Variants in RMND1 observed in about 807,000 individuals in gnomAD.
RMND1 encodes the protein required for meiotic nuclear division protein 1 homolog.
Under a neutral mutation model 54.0 loss-of-function variants are expected in RMND1, and 41 were observed. The ratio of observed to expected loss-of-function variants is 0.76; its 90% confidence interval spans 0.59 to 0.98. The LOEUF (loss-of-function observed/expected upper bound fraction) is 0.98. RMND1 is among the 50% of genes least tolerant of loss of function. RMND1 has a pLI of 0.00. For synonymous variants in RMND1, 183 were observed against 181.7 expected (o/e 1.01, Z -0.06); for missense variants, 457 against 532.0 (o/e 0.86, Z 1.39).
intron 10 of RMND1, chr6:151,416,793 G>A (rs1265698868): frequency 6.6e-6 from 1 of 152,558 alleles, no homozygotes; most frequent in African/African-American, 2.4e-5. Flanking sequence ...TCTAATCTCA[G>A]CATATCTTAG....
intron 5 of RMND1, among the ~76,000 whole-genome samples, chr6:151,427,803 GA>G (rs1562792279): frequency 6.6e-6 from 1 of 152,150 alleles, no homozygotes; most frequent in African/African-American, 2.4e-5. Flanking sequence ...GAATGGAGAA[GA>G]AAATCAAGGT....
At chr6:151,445,220 G>T in intron 2 of RMND1, 88 bp downstream of exon 2, 5 of 1,380,996 alleles carry the variant, frequency 3.6e-6, no homozygotes, top group Non-Finnish European at 4.9e-6. Context: ...GTTCTCTTAC[G>T]TTGGCGGTAA....
At position 151,445,887 on chromosome 6, in the gene RMND1, T is replaced by C; in HGVS notation, c.-14-62A>G. The C allele has an allele frequency of 2.2e-6, 3 of 1,378,060 alleles. No homozygotes were observed. The South Asian group carries it at 4.6e-5, about 21-fold the overall frequency. 85.4% of individuals were successfully genotyped at this position (1,378,060 alleles called of 1,614,324 possible). A position where few individuals can be genotyped will look rare whatever the true frequency, so the allele number is the denominator to read the frequency against. The stretch of plus-strand genomic sequence containing the variant: ...TTAATGTTTAAAACATATATAATAT[T>C]TCCCTAGGTAGCAGGCATATTTCTG... On this transcript the variant is annotated intron_variant, in intron 1 of 11. Transcript: ENST00000444024.
intron 5 of RMND1, among the ~76,000 whole-genome samples, chr6:151,428,087 G>A (rs115943828): frequency 4.6e-5 from 7 of 151,824 alleles, no homozygotes; most frequent in African/African-American, 1.7e-4. Flanking sequence ...AATGTCAGCC[G>A]GTGTGACAGA....
intron 10 of RMND1, among the ~76,000 whole-genome samples, chr6:151,412,548 T>G (rs1779878335): frequency 6.6e-6 from 1 of 152,190 alleles, no homozygotes; most frequent in South Asian, 2.1e-4. Flanking sequence ...AGCATTCTCT[T>G]CCTGACAGTC....
intron 4 of RMND1, among the ~76,000 whole-genome samples, chr6:151,431,988 T>A (rs1392287030): frequency 2.6e-5 from 4 of 151,498 alleles, no homozygotes; most frequent in African/African-American, 9.7e-5. Flanking sequence ...TAGGCTGGAG[T>A]GCAATGGCAC....
At chr6:151,441,194 ATTTT>A (rs200381318) in intron 2 of RMND1, among the ~76,000 whole-genome samples, 1 of 152,180 alleles carries the variant, frequency 6.6e-6, no homozygotes, top group Admixed American at 6.5e-5. Context: ...TGATCAGAAC[ATTTT>A]TTTAAAAATT....
At chr6:151,450,543 C>T (rs1268095023) in intron 1 of RMND1, among the ~76,000 whole-genome samples, 3 of 147,950 alleles carry the variant, frequency 2.0e-5, no homozygotes, top group Non-Finnish European at 3.0e-5. Flanking sequence ...GGGTCAGCCC[C>T]CCGCCCGGCC....
In RMND1 at chr6:151,445,519, A is replaced by G; in HGVS notation, c.293T>C (p.Met98Thr). The G allele has an allele frequency of 6.2e-7, 1 of 1,614,218 alleles. No homozygotes were observed. The change falls in exon 2 of 12, where the codon ATG (methionine) becomes ACG (threonine). Residue 98 changes from methionine (M) to threonine (T), a missense_variant. Transcript: ENST00000444024. ...TCTCCTGTGAGTACCAAAGGATTTC[A>G]TGGTTGGAAGGTGTGCCTTTTCATC... ...CQDEKAHLPT[M>T]KSFGTHRRVT...
intron 4 of RMND1, 25 bp downstream of exon 4, chr6:151,433,130 T>C: frequency 1.3e-6 from 2 of 1,530,688 alleles, no homozygotes; most frequent in East Asian, 4.5e-5. Flanking sequence ...CATCATCACC[T>C]AATGGGGTTT....
intron 4 of RMND1, among the ~76,000 whole-genome samples, chr6:151,430,581 G>C (rs1459810001): frequency 6.6e-6 from 1 of 152,186 alleles, no homozygotes; most frequent in African/African-American, 2.4e-5. Context: ...GCTATGCCTG[G>C]ATTTTTGTGG....
intron 10 of RMND1, among the ~76,000 whole-genome samples, chr6:151,413,133 G>A (rs1285260719): frequency 6.6e-6 from 1 of 152,188 alleles, no homozygotes; most frequent in Non-Finnish European, 1.5e-5. Context: ...ATAACCACGA[G>A]TGAACTAGGA....
intron 2 of RMND1, among the ~76,000 whole-genome samples, chr6:151,439,664 T>C (rs1780714069): frequency 6.6e-6 from 1 of 152,182 alleles, no homozygotes; most frequent in Non-Finnish European, 1.5e-5. Flanking sequence ...TTTACTTTAT[T>C]ATTATTATAT....
intron 4 of RMND1, among the ~76,000 whole-genome samples, chr6:151,431,865 T>A (rs1354434366): frequency 1.3e-5 from 2 of 152,066 alleles, no homozygotes; most frequent in African/African-American, 2.4e-5. Flanking sequence ...TTTATCTTTT[T>A]AAAAATATTT....
chr6:151,424,102 C>T (rs551769308), intron 6 of RMND1, among the ~76,000 whole-genome samples: 48 of 152,124 alleles, frequency 3.2e-4, no homozygotes, highest in Admixed American at 1.6e-3. Flanking sequence ...CCACCCACCT[C>T]GGCCTCCCAA....
At chr6:151,419,150 C>T (rs917777577) in intron 9 of RMND1, among the ~76,000 whole-genome samples, 4 of 151,912 alleles carry the variant, frequency 2.6e-5, no homozygotes, top group Admixed American at 6.6e-5. Flanking sequence ...CTGCAACCTT[C>T]GCCTCCTGGG....
At chr6:151,424,160 T>TA (rs1432513763) in intron 6 of RMND1, among the ~76,000 whole-genome samples, 7 of 149,974 alleles carry the variant, frequency 4.7e-5, no homozygotes, top group African/African-American at 9.8e-5. Flanking sequence ...TGAAAACTTT[T>TA]AAAAAAATGG....
chr6:151,419,716 T>TA (rs1188726468), intron 9 of RMND1, among the ~76,000 whole-genome samples: 34 of 141,038 alleles, frequency 2.4e-4, no homozygotes, highest in African/African-American at 7.0e-4. Context: ...CTGTTCACGA[T>TA]TAAAAAAAAA....
In RMND1 at chr6:151,405,768, C is replaced by T. The variant is rs778660964; in HGVS notation, c.1269G>A (p.Lys423=). 5 of 1,611,552 alleles carry T rather than the reference C, an allele frequency of 3.1e-6. No individual in the cohort carries two copies. Among genetic ancestry groups the T allele is most frequent in the Non-Finnish European group, 2.5e-6 (3 of 1,177,764 alleles). Reference sequence around the variant, plus strand: ...TCATCCACTCCAAGCGGAGTGCCCTCTTCTCATTCAGGTGATTCCGCATTA... The same window carrying T: ...TCATCCACTCCAAGCGGAGTGCCCTTTTCTCATTCAGGTGATTCCGCATTA... ...TDLMRNHLNE[K]RALRLEWMIV... The change falls in exon 11 of 12, where the codon AAG becomes AAA. Residue 423 remains lysine, a synonymous_variant. Coordinates refer to ENST00000444024, the MANE Select transcript of RMND1 (RefSeq NM_017909.4).
Sources: allele counts gnomAD v4.1 joint callset (sites outside exome capture counted in the v4.1 genomes callset), GRCh38; gene constraint gnomAD v4.1.1; transcripts MANE v1.5; gene names NCBI Gene and HGNC (gene_info 2026-07-23, HGNC 2026-07-21).